Variants in ZNF302 observed in about 807,000 individuals in gnomAD.
ZNF302 encodes zinc finger protein 302.
In ZNF302, 12 loss-of-function variants were observed where a neutral mutation model predicts 10.8. The observed-to-expected ratio is 1.11, with a 90% CI of 0.71 to 1.79. The LOEUF (loss-of-function observed/expected upper bound fraction) is 1.79, where lower values mean the gene tolerates loss of function less well. ZNF302 is among the 40% of genes most tolerant of loss of function. The pLI is 0.00. For synonymous variants in ZNF302, 178 were observed against 157.5 expected (o/e 1.13, Z -0.98); for missense variants, 461 against 471.1 (o/e 0.98, Z 0.20).
rs1243914993 is a variant in ZNF302 at position 34,685,701 on chromosome 19, A to G, written c.*464A>G. ...CTTATTTAACATCAGAAAAATGTATACTGGGGAAAAGTTGTATGAAGGTGG... is the reference window on the plus strand; with the variant it reads ...CTTATTTAACATCAGAAAAATGTATGCTGGGGAAAAGTTGTATGAAGGTGG... On this transcript the variant is annotated 3_prime_UTR_variant, in exon 5 of 5. Transcript: ENST00000505242. 2.9e-6 allele frequency: 2 copies of G among 679,910 alleles called. No homozygotes were observed. Among genetic ancestry groups the G allele is most frequent in the East Asian group, 2.5e-5 (1 of 40,182 alleles). The allele number at this position is 679,910 out of a possible 1,614,324, so 42.1% of individuals were successfully genotyped here.
At chr19:34,682,538 CTCA>C (rs1437916536) in intron 2 of ZNF302, 2 of 400,484 alleles carry the variant, frequency 5.0e-6, no homozygotes, top group East Asian at 5.0e-5. Context: ...AAGCAAAGCT[CTCA>C]TATTTGTCTC....
intron 4 of ZNF302, chr19:34,684,003 C>T (rs866490225): frequency 6.8e-7 from 1 of 1,468,922 alleles, no homozygotes; most frequent in Non-Finnish European, 9.0e-7. Context: ...TTACCCATTT[C>T]CTTTATCACA....
intron 2 of ZNF302, among the ~76,000 whole-genome samples, chr19:34,680,253 T>G (rs913217005): frequency 2.6e-5 from 4 of 152,208 alleles, no homozygotes; most frequent in African/African-American, 9.7e-5. Context: ...TAAACACTTA[T>G]GAAGTACCTG....
At chr19:34,684,171 T>TAAAAAAAAAAAA (rs746866893) in intron 4 of ZNF302, 81 bp from the exon 5 acceptor site, 3 of 878,146 alleles carry the variant, frequency 3.4e-6, no homozygotes, top group East Asian at 1.3e-4. Context: ...TTTCAAGAAG[T>TAAAAAAAAAAAA]AAAAAAAAAA....
upstream of ZNF302, chr19:34,676,453 TC>T (rs1170376236): frequency 6.6e-6 from 1 of 152,204 alleles, no homozygotes; most frequent in Non-Finnish European, 1.5e-5. Context: ...CCCACCTCTT[TC>T]CTGGAAAACT....
chr19:34,685,919 C>A lies in ZNF302; in HGVS notation c.*682C>A. 1 of 172,594 alleles carries A rather than the reference C, an allele frequency of 5.8e-6. No individual in the cohort carries two copies. Among genetic ancestry groups the A allele is most frequent in the Non-Finnish European group, 1.2e-5 (1 of 81,384 alleles). 10.7% of individuals were successfully genotyped at this position (172,594 alleles called of 1,614,324 possible). ...GGGAAAGACTATAGGCAATAGGAATCTCCTGCAAACTCCTACAGGAGAAAA... is the reference window on the plus strand; with the variant it reads ...GGGAAAGACTATAGGCAATAGGAATATCCTGCAAACTCCTACAGGAGAAAA... On this transcript the variant is annotated 3_prime_UTR_variant, in exon 5 of 5. Transcript: ENST00000505242.
intron 2 of ZNF302, 54 bp from the exon 3 acceptor site, chr19:34,682,723 A>G: frequency 1.2e-6 from 2 of 1,601,016 alleles, no homozygotes; most frequent in Non-Finnish European, 1.7e-6. Context: ...CCCCTTCTTC[A>G]GTGACAGAAG....
At chr19:34,678,304 G>C (rs1243594181) in intron 1 of ZNF302, among the ~76,000 whole-genome samples, 1 of 152,070 alleles carries the variant, frequency 6.6e-6, no homozygotes, top group Non-Finnish European at 1.5e-5. Context: ...GTGGTGGCAC[G>C]TGTCTATAAT....
chr19:34,684,253 T>C lies in ZNF302; in HGVS notation c.216T>C (p.Asp72=). The C allele has an allele frequency of 6.8e-7, 1 of 1,473,526 alleles. No homozygotes were observed. Among genetic ancestry groups the C allele is most frequent in the African/African-American group, 1.6e-5 (1 of 63,392 alleles). The allele number at this position is 1,473,526 out of a possible 1,614,324, so 91.3% of individuals were successfully genotyped here. A position where few individuals can be genotyped will look rare whatever the true frequency, so the allele number is the denominator to read the frequency against. ...PWMMEKKLSK[D]WESRWENKEL... ...CTTTGCTTTCTTGATATATTTCAGA[T>C]TGGGAATCAAGATGGGAAAACAAGG... is the stretch of plus-strand genomic sequence containing the variant. Residue 72 remains aspartate (D), a splice_region_variant and synonymous_variant, in exon 5 of 5, where the codon GAT becomes GAC. Coordinates refer to ENST00000505242, the MANE Select transcript of ZNF302 (RefSeq NM_001289187.2).
At chr19:34,683,945 T>G (rs1372070628) in intron 4 of ZNF302, 2 of 1,287,174 alleles carry the variant, frequency 1.6e-6, no homozygotes. Flanking sequence ...CACATCTTAT[T>G]TCTGATACTT....
intron 2 of ZNF302, among the ~76,000 whole-genome samples, chr19:34,679,196 T>C (rs1454435687): frequency 6.6e-6 from 1 of 152,228 alleles, no homozygotes; most frequent in African/African-American, 2.4e-5. Flanking sequence ...TCAGGTCCTC[T>C]AGTTTGGATC....
At chr19:34,678,902 C>A in intron 2 of ZNF302, 89 bp downstream of exon 2, 1 of 1,515,458 alleles carries the variant, frequency 6.6e-7, no homozygotes, top group Non-Finnish European at 9.2e-7. Context: ...CCCACCTAAT[C>A]AAGTCCATTT....
chr19:34,684,661 A>G lies in ZNF302; in HGVS notation c.624A>G (p.Lys208=). The change falls in exon 5 of 5, where the codon AAA becomes AAG. Residue 208 remains lysine, a synonymous_variant. Transcript: ENST00000505242. ...EKIYTCSECG[K]AFGKQSILSR... ...TCTATACATGCAGTGAATGTGGGAAAGCCTTTGGCAAACAGTCAATCCTCA... is the reference window on the plus strand; with the variant it reads ...TCTATACATGCAGTGAATGTGGGAAGGCCTTTGGCAAACAGTCAATCCTCA... 2 of 1,613,986 alleles carry G rather than the reference A, an allele frequency of 1.2e-6. No individual in the cohort carries two copies. The highest frequency in any genetic ancestry group is 1.7e-6 in the Non-Finnish European group (2 of 1,179,866).
At chr19:34,680,224 C>T (rs1207957550) in intron 2 of ZNF302, among the ~76,000 whole-genome samples, 1 of 152,118 alleles carries the variant, frequency 6.6e-6, no homozygotes, top group Non-Finnish European at 1.5e-5. Flanking sequence ...ATGCCAAAAC[C>T]ATTCATTGGT....
chr19:34,685,624 T>G lies in ZNF302; in HGVS notation c.*387T>G. 2.9e-6 allele frequency: 3 copies of G among 1,046,168 alleles called. No homozygotes were observed. Among genetic ancestry groups the G allele is most frequent in the Non-Finnish European group, 4.4e-6 (3 of 685,360 alleles). 64.8% of individuals were successfully genotyped at this position (1,046,168 alleles called of 1,614,324 possible). A position where few individuals can be genotyped will look rare whatever the true frequency, so the allele number is the denominator to read the frequency against. ...TGAATCCCTATACATGTGAGAAATCTTACAGAAGAGAAGCAGTGTTTATCA... is the reference window on the plus strand; with the variant it reads ...TGAATCCCTATACATGTGAGAAATCGTACAGAAGAGAAGCAGTGTTTATCA... On this transcript the variant is annotated 3_prime_UTR_variant, in exon 5 of 5. Transcript: ENST00000505242.
Position 34,685,799 on chromosome 19 carries a change from G to A in ZNF302, c.*562G>A. 1 of 415,956 alleles carries A rather than the reference G, an allele frequency of 2.4e-6. No individual in the cohort carries two copies. The highest frequency in any genetic ancestry group is 4.3e-6 in the Non-Finnish European group (1 of 230,312). The allele number at this position is 415,956 out of a possible 1,614,324, so 25.8% of individuals were successfully genotyped here. A position where few individuals can be genotyped will look rare whatever the true frequency, so the allele number is the denominator to read the frequency against. On this transcript the variant is annotated 3_prime_UTR_variant, in exon 5 of 5. Coordinates refer to ENST00000505242, the MANE Select transcript of ZNF302 (RefSeq NM_001289187.2). ...TTATACTGTAGAGAAATCATATGAA[G>A]TCAATAAATGTGGGAAAGCCTTTGT...
In ZNF302 at chr19:34,682,787, G is replaced by A. The variant is rs1270595751; in HGVS notation, c.20G>A (p.Ser7Asn). The stretch of plus-strand genomic sequence containing the variant: ...TATTTGCTATTTCAGGTGACATTTA[G>A]TGATGTGGCTATAGACTTCTCTCAT... MSQVTF[S>N]DVAIDFSHEE... The change falls in exon 3 of 5, where the codon AGT becomes AAT. Residue 7 changes from serine to asparagine, a missense_variant. Physicochemically the swap from Ser to Asn is conservative, Grantham distance 46. Coordinates refer to ENST00000505242, the MANE Select transcript of ZNF302 (RefSeq NM_001289187.2). 1.2e-6 allele frequency: 2 copies of A among 1,613,464 alleles called. No individual in the cohort carries two copies. The highest frequency in any genetic ancestry group is 2.2e-5 in the East Asian group (1 of 44,896).
rs7249792 is a variant in ZNF302, at chr19:34,685,847, C to G, written c.*610C>G. The G allele has an allele frequency of 0.12, 35,251 of 291,308 alleles. 2,524 individuals are homozygous for G. The highest frequency in any genetic ancestry group is 0.25 in the South Asian group (2,869 of 11,362). 18.0% of individuals were successfully genotyped at this position (291,308 alleles called of 1,614,324 possible). A position where few individuals can be genotyped will look rare whatever the true frequency, so the allele number is the denominator to read the frequency against. ...TGTCAGTATTAATCCCTTAATTGAC[C>G]TAAGTATACTCACACTAGGAAAAAT... On this transcript the variant is annotated 3_prime_UTR_variant, in exon 5 of 5. Coordinates refer to ENST00000505242, the MANE Select transcript of ZNF302 (RefSeq NM_001289187.2).
Position 34,685,422 on chromosome 19 carries a change from T to C in ZNF302, c.*185T>C, listed in dbSNP as rs1409437993. The C allele has an allele frequency of 6.2e-7, 1 of 1,604,116 alleles. No individual in the cohort carries two copies. Among genetic ancestry groups the C allele is most frequent in the African/African-American group, 1.3e-5 (1 of 74,696 alleles). ...GAATGTATTAAATGTGGGAAGACCT[T>C]CAGCTGTAGTTCAAACCTTACTGTA... On this transcript the variant is annotated 3_prime_UTR_variant, in exon 5 of 5. Transcript: ENST00000505242.
Sources: gnomAD v4.1 joint callset for allele counts (sites outside exome capture counted in the v4.1 genomes callset) on GRCh38, gnomAD v4.1.1 for gene constraint, MANE v1.5 for transcripts, NCBI Gene and HGNC (gene_info 2026-07-23, HGNC 2026-07-21) for gene names.